The following SP140 variants were observed in gnomAD, a reference collection of about 807,000 sequenced individuals.
The protein encoded by SP140 is nuclear body protein SP140.
In SP140, 81 loss-of-function variants were observed where a neutral mutation model predicts 125.0. That is an observed-to-expected ratio of 0.65 (90% CI 0.54 to 0.78). SP140 has a LOEUF of 0.78. SP140 is among the 30% of genes least tolerant of loss of function. The pLI, the probability that SP140 is intolerant of heterozygous loss-of-function variation, is 0.00. For missense variants in SP140, 858 were observed against 1,037.0 expected (o/e 0.83, Z 2.37); for synonymous variants, 312 against 354.0 (o/e 0.88, Z 1.33).
chr2:230,269,999 C>T (rs1272404280), intron 14 of SP140, 46 bp downstream of exon 14: 8 of 1,230,354 alleles, frequency 6.5e-6, no homozygotes, highest in Non-Finnish European at 9.6e-6. Flanking sequence ...TCAGTGGGCC[C>T]CACAGACCCC....
Position 230,269,927 on chromosome 2 carries a change from A to G in SP140, c.1418A>G (p.Glu473Gly). ...EVPGSPEARTESDQACGTMDT... is the reference protein window; with the variant it reads ...EVPGSPEARTGSDQACGTMDT... ...CCAGGAAGCCCAGAAGCAAGGACGG[A>G]AAGTGATCAAGCGTGTGGCACAATG... The change falls in exon 14 of 27, where the codon GAA (glutamate) becomes GGA (glycine). Residue 473 changes from glutamate to glycine, a missense_variant. By Grantham distance (98) the Glu-to-Gly change is moderately conservative (BLOSUM62 -2). Coordinates refer to ENST00000392045, the MANE Select transcript of SP140 (RefSeq NM_007237.5). The G allele has an allele frequency of 6.2e-7, 1 of 1,613,868 alleles. No individual in the cohort carries two copies. Among genetic ancestry groups the G allele is most frequent in the Non-Finnish European group, 8.5e-7 (1 of 1,179,780 alleles).
At chr2:230,243,878 T>A in intron 5 of SP140, 67 bp downstream of exon 5, 1 of 1,094,326 alleles carries the variant, frequency 9.1e-7, no homozygotes, top group Non-Finnish European at 1.4e-6. Flanking sequence ...AGAGCTGGTG[T>A]TTCCTAATGC....
intron 15 of SP140, 147 bp downstream of exon 15, chr2:230,270,786 C>G (rs1337308200): frequency 1.3e-6 from 1 of 761,518 alleles, no homozygotes; most frequent in Non-Finnish European, 2.3e-6. Context: ...TGTCTACCTC[C>G]TAATCCCTGG....
the SP140 span, among the ~76,000 whole-genome samples, chr2:230,195,275 T>C: frequency 6.6e-6 from 1 of 152,104 alleles, no homozygotes; most frequent in Non-Finnish European, 1.5e-5. Context: ...GGAAATTGAA[T>C]TAGGGGATTG....
chr2:230,291,061 G>A lies in SP140; in HGVS notation c.1825+497G>A, dbSNP rs534086740. On this transcript the variant is annotated intron_variant, in intron 19 of 26. Coordinates refer to ENST00000392045, the MANE Select transcript of SP140 (RefSeq NM_007237.5). ...CCTGAAATGTCTCATCCAAGAGAGGGAACAATAATGAAAAACCTGCCTCAT... is the reference window on the plus strand; with the variant it reads ...CCTGAAATGTCTCATCCAAGAGAGGAAACAATAATGAAAAACCTGCCTCAT... Among the ~76,000 whole-genome samples, 5 of 152,228 alleles carry A rather than the reference G, an allele frequency of 3.3e-5. No individual in the cohort carries two copies. The South Asian group carries it at 8.3e-4, about 25-fold the overall frequency.
chr2:230,216,748 T>C (rs947222313), intron 3 of SP140: 2 of 1,612,618 alleles, frequency 1.2e-6, no homozygotes, highest in Non-Finnish European at 1.7e-6. Flanking sequence ...TGGTGGGGGC[T>C]GGGCTGCCAT....
At chr2:230,192,000 T>C in the SP140 span, among the ~76,000 whole-genome samples, 2 of 152,190 alleles carry the variant, frequency 1.3e-5, no homozygotes, top group African/African-American at 2.4e-5. Flanking sequence ...TCAATAAGCA[T>C]AATCCATCAC....
chr2:230,305,673 C>T (rs895030830), intron 22 of SP140, among the ~76,000 whole-genome samples: 1 of 152,166 alleles, frequency 6.6e-6, no homozygotes, highest in African/African-American at 2.4e-5. Context: ...GCGTGGGGGT[C>T]GGGCCCGAAC....
At chr2:230,199,672 A>G (rs1273841241), upstream of SP140, among the ~76,000 whole-genome samples, 2 of 152,202 alleles carry the variant, frequency 1.3e-5, no homozygotes, top group African/African-American at 2.4e-5. Context: ...GGTAACATCA[A>G]TCCACACCAC....
chr2:230,198,627 C>G (rs1242680216), upstream of SP140, among the ~76,000 whole-genome samples: 1 of 152,020 alleles, frequency 6.6e-6, no homozygotes, highest in Non-Finnish European at 1.5e-5. Flanking sequence ...TGGAGTCTTG[C>G]TCTGTTGCCC....
At chr2:230,215,448 T>C (rs1452513670) in intron 3 of SP140, among the ~76,000 whole-genome samples, 11 of 152,186 alleles carry the variant, frequency 7.2e-5, no homozygotes, top group Non-Finnish European at 2.9e-5. Flanking sequence ...TACTATGTAA[T>C]TGATTCTTTA....
intron 1 of SP140, chr2:230,208,096 T>C (rs747770536): frequency 8.7e-7 from 1 of 1,148,154 alleles, no homozygotes; most frequent in South Asian, 1.3e-5. Flanking sequence ...GTTACAAACA[T>C]TGATCTCCCA....
intron 21 of SP140, among the ~76,000 whole-genome samples, chr2:230,295,762 G>A (rs772901990): frequency 2.6e-5 from 4 of 152,156 alleles, no homozygotes; most frequent in Non-Finnish European, 5.9e-5. Flanking sequence ...AGACCTTTTG[G>A]TGGCACCTGA....
intron 1 of SP140, chr2:230,209,800 G>A (rs1475557758): frequency 4.2e-6 from 3 of 722,858 alleles, no homozygotes; most frequent in Non-Finnish European, 7.5e-6. Flanking sequence ...AATGGAAACT[G>A]CAGAAACGAA....
intron 13 of SP140, 107 bp from the exon 14 acceptor site, chr2:230,269,729 AG>A: frequency 9.2e-7 from 1 of 1,089,468 alleles, no homozygotes; most frequent in Admixed American, 2.0e-5. Flanking sequence ...GAGCAGTGAA[AG>A]GAGAAGATTT....
intron 12 of SP140, among the ~76,000 whole-genome samples, chr2:230,269,157 C>A (rs1356959341): frequency 1.3e-5 from 2 of 152,016 alleles, no homozygotes; most frequent in African/African-American, 2.4e-5. Context: ...TGTAGAACTG[C>A]CAGTAATGGG....
chr2:230,230,675 T>A (rs528722845), intron 1 of SP140: 1 of 152,386 alleles, frequency 6.6e-6, no homozygotes, highest in Admixed American at 6.5e-5. Context: ...TTAATTTAGA[T>A]TCCTCTCACT....
intron 14 of SP140, 132 bp from the exon 15 acceptor site, chr2:230,270,454 C>T (rs923819161): frequency 5.2e-6 from 5 of 954,910 alleles, no homozygotes; most frequent in Admixed American, 5.5e-5. Flanking sequence ...TTTTGGTTCC[C>T]CTAGAAGAAA....
At chr2:230,228,807 C>T (rs1428499228) in intron 1 of SP140, among the ~76,000 whole-genome samples, 1 of 152,126 alleles carries the variant, frequency 6.6e-6, no homozygotes, top group East Asian at 1.9e-4. Flanking sequence ...TTCTTATAGA[C>T]AACATATAGT....
Sources: gnomAD v4.1 joint callset for allele counts (sites outside exome capture counted in the v4.1 genomes callset) on GRCh38, gnomAD v4.1.1 for gene constraint, MANE v1.5 for transcripts, NCBI Gene and HGNC (gene_info 2026-07-23, HGNC 2026-07-21) for gene names.